Variants in CYGB observed in about 807,000 individuals in gnomAD.
The protein encoded by CYGB is cytoglobin.
In CYGB, 13 loss-of-function variants were observed where a neutral mutation model predicts 20.7. That is an observed-to-expected ratio of 0.63 (90% CI 0.41 to 1.00). CYGB has a LOEUF of 1.00. Ranked by LOEUF, CYGB falls within the 50% of genes least tolerant of loss-of-function variation. The probability of loss-of-function intolerance (pLI) is 0.00; values close to 1 mark genes in which losing one functional copy is unlikely to be tolerated. For missense variants in CYGB, 218 were observed against 257.2 expected (o/e 0.85, Z 1.04); for synonymous variants, 93 against 107.4 (o/e 0.87, Z 0.83).
At chr17:76,540,257 G>T (rs78529481), upstream of CYGB, 22 of 1,159,238 alleles carry the variant, frequency 1.9e-5, 1 homozygote, top group South Asian at 5.3e-5. The surrounding 1 kb of genome is among the most constrained non-coding windows in gnomAD (Gnocchi z 5.0). Flanking sequence ...TGGTCGGGGG[G>T]GGGGGGCATG....
intron 3 of CYGB, chr17:76,529,976 C>T: frequency 1.4e-5 from 14 of 985,314 alleles, no homozygotes; most frequent in African/African-American, 1.7e-5. Flanking sequence ...GGCAGGAGGC[C>T]TGGCGTCCCC....
chr17:76,548,485 G>A (rs560396753), intron 1 of CYGB, among the ~76,000 whole-genome samples: 6 of 152,354 alleles, frequency 3.9e-5, no homozygotes, highest in Admixed American at 6.5e-5. Context: ...CTGCTGGTTG[G>A]TCCTATAGGA....
upstream of CYGB, chr17:76,540,251 C>G (rs77817682): frequency 0.93 from 832,991 of 892,214 alleles, 387,165 homozygotes; most frequent in Non-Finnish European, 0.95. The surrounding 1 kb of genome is among the most constrained non-coding windows in gnomAD (Gnocchi z 5.0). Flanking sequence ...GGCGGTTGGT[C>G]GGGGGGGGGG....
intron 1 of CYGB, chr17:76,543,167 C>T (rs1259829255): frequency 2.2e-6 from 1 of 461,524 alleles, no homozygotes; most frequent in Non-Finnish European, 4.5e-6. Context: ...CTCCCCTTCC[C>T]CCAGGCCCTG....
intron 1 of CYGB, chr17:76,544,962 C>T (rs561866680): frequency 3.5e-5 from 16 of 453,180 alleles, no homozygotes; most frequent in Admixed American, 2.1e-4. Flanking sequence ...AGAGGAAGGG[C>T]GGGAAAAAGA....
chr17:76,535,470 A>G (rs1598206660), intron 1 of CYGB, among the ~76,000 whole-genome samples: 2 of 152,028 alleles, frequency 1.3e-5, no homozygotes, highest in African/African-American at 4.8e-5. Context: ...AGGAGGAGAG[A>G]AAAAGGAAAG....
chr17:76,540,719 G>A (rs1020182294), upstream of CYGB: 12 of 789,098 alleles, frequency 1.5e-5, no homozygotes, highest in East Asian at 1.1e-4. This position sits in a 1 kb window ranked among gnomAD's most constrained non-coding sequence, Gnocchi z 5.0. Context: ...CTCCCTGTCC[G>A]CCTGCTGGGC....
At chr17:76,535,049 G>A (rs538562666) in intron 1 of CYGB, among the ~76,000 whole-genome samples, 8 of 152,370 alleles carry the variant, frequency 5.3e-5, no homozygotes, top group African/African-American at 1.9e-4. Flanking sequence ...GTGTGAGGAG[G>A]AAGGTGTCAG....
intron 1 of CYGB, chr17:76,545,269 G>A (rs780401161): frequency 7.2e-5 from 33 of 456,650 alleles, no homozygotes; most frequent in Admixed American, 3.3e-4. Context: ...CCTGGGACCC[G>A]GGTGCCCCTT....
chr17:76,532,840 A>G (rs1961351027), intron 1 of CYGB, among the ~76,000 whole-genome samples: 1 of 152,138 alleles, frequency 6.6e-6, no homozygotes, highest in South Asian at 2.1e-4. Context: ...CCCGGCCGAC[A>G]ATGACTTTTT....
chr17:76,545,575 C>T (rs1018883319), intron 1 of CYGB: 10 of 346,394 alleles, frequency 2.9e-5, no homozygotes, highest in Non-Finnish European at 5.7e-6. Context: ...GCAAGGTGTC[C>T]AGAGTCAGAG....
intron 1 of CYGB, among the ~76,000 whole-genome samples, chr17:76,535,041 G>A (rs1223448475): frequency 2.0e-5 from 3 of 152,282 alleles, no homozygotes; most frequent in Admixed American, 6.5e-5. Flanking sequence ...CTGTCTGAGT[G>A]TGAGGAGGAA....
At chr17:76,550,049 G>C (rs916989459) in intron 1 of CYGB, 1 of 151,926 alleles carries the variant, frequency 6.6e-6, no homozygotes, top group Non-Finnish European at 1.5e-5. Context: ...TCCACCTCCT[G>C]AGTTCAAGCA....
chr17:76,532,782 C>G (rs2074862992), intron 1 of CYGB, among the ~76,000 whole-genome samples: 1 of 151,972 alleles, frequency 6.6e-6, no homozygotes, highest in South Asian at 2.1e-4. Flanking sequence ...GGCGATCCGC[C>G]TGCCTCAGCC....
chr17:76,539,116 C>T (rs1206636707), upstream of CYGB, among the ~76,000 whole-genome samples: 2 of 152,062 alleles, frequency 1.3e-5, no homozygotes, highest in Non-Finnish European at 2.9e-5. Flanking sequence ...TCCTGGGGGT[C>T]TTGGAGGGGC....
At chr17:76,543,713 C>G (rs2075019132) in intron 1 of CYGB, 1 of 466,130 alleles carries the variant, frequency 2.1e-6, no homozygotes, top group South Asian at 1.6e-5. Flanking sequence ...AGCCCAGGAG[C>G]TATTCTGTTA....
At chr17:76,545,209 C>A (rs957247324) in intron 1 of CYGB, 6 of 456,682 alleles carry the variant, frequency 1.3e-5, no homozygotes, top group Admixed American at 7.0e-5. Context: ...ATTTGCAGCT[C>A]CTGCTGCAGA....
At position 76,528,914 on chromosome 17, in the gene CYGB, A is replaced by G; in HGVS notation, c.540-303T>C. ...TGTTTCACAAACTGCAAAGCACGATACCAATGTGAGCTCTTTTTCCATTAA... is the reference window on the plus strand; with the variant it reads ...TGTTTCACAAACTGCAAAGCACGATGCCAATGTGAGCTCTTTTTCCATTAA... On this transcript the variant is annotated intron_variant, in intron 3 of 3. Coordinates refer to ENST00000293230, the MANE Select transcript of CYGB (RefSeq NM_134268.5). The surrounding 1 kb of genome is among the most constrained non-coding windows in gnomAD (Gnocchi z 5.8). 1 of 1,179,240 alleles carries G rather than the reference A, an allele frequency of 8.5e-7. No individual in the cohort carries two copies. The highest frequency in any genetic ancestry group is 3.8e-5 in the East Asian group (1 of 26,526). 73.0% of individuals were successfully genotyped at this position (1,179,240 alleles called of 1,614,324 possible). A position where few individuals can be genotyped will look rare whatever the true frequency, so the allele number is the denominator to read the frequency against.
At chr17:76,534,140 TTCTCTTTCTC>T (rs2074885283) in intron 1 of CYGB, among the ~76,000 whole-genome samples, 4 of 102,320 alleles carry the variant, frequency 3.9e-5, no homozygotes, top group African/African-American at 1.3e-4. Context: ...CTCTCTCTCT[TTCTCTTTCTC>T]TCTCTCTCTC....
Sources: gnomAD v4.1 joint callset for allele counts (sites outside exome capture counted in the v4.1 genomes callset) on GRCh38, gnomAD v4.1.1 for gene constraint, Gnocchi (gnomAD v3.1) non-coding constraint, MANE v1.5 for transcripts, NCBI Gene and HGNC (gene_info 2026-07-23, HGNC 2026-07-21) for gene names.